Variants in PTPRD observed in about 807,000 individuals in gnomAD.
The protein encoded by PTPRD is receptor-type tyrosine-protein phosphatase delta.
A neutral mutation model predicts 214.5 loss-of-function variants in PTPRD; 34 were observed. That is an observed-to-expected ratio of 0.16 (90% CI 0.12 to 0.21). PTPRD has a LOEUF of 0.21. PTPRD is among the 10% of genes least tolerant of loss of function. The probability of loss-of-function intolerance (pLI) is 1.00; values close to 1 mark genes in which losing one functional copy is unlikely to be tolerated. For missense variants in PTPRD, 2,545 were observed against 2,398.7 expected (o/e 1.06, Z -1.27); for synonymous variants, 1,128 against 845.7 (o/e 1.33, Z -5.79).
Position 8,798,957 on chromosome 9 carries a change from C to T in PTPRD, c.-103-65011G>A, listed in dbSNP as rs113063619. On this transcript the variant is annotated intron_variant, in intron 11 of 45. Transcript: ENST00000381196. ...CACATGTAAAGCCTGAATGCATAAGCCCAGCCTGCTTTCCTTACAGGGTTA... is the reference window on the plus strand; with the variant it reads ...CACATGTAAAGCCTGAATGCATAAGTCCAGCCTGCTTTCCTTACAGGGTTA... Among the ~76,000 whole-genome samples the T allele has an allele frequency of 4.1e-3, 620 of 152,176 alleles. 1 individual carries two copies. The highest frequency in any genetic ancestry group is 0.014 in the African/African-American group (566 of 41,498).
chr9:9,340,390 T>C (rs948823770), intron 9 of PTPRD, among the ~76,000 whole-genome samples: 36 of 152,346 alleles, frequency 2.4e-4, no homozygotes, highest in African/African-American at 7.5e-4. Context: ...TTTGTGACTA[T>C]TTAAATCTCT....
At chr9:10,060,845 T>TTTC (rs1555531286) in intron 3 of PTPRD, among the ~76,000 whole-genome samples, 8 of 108,830 alleles carry the variant, frequency 7.4e-5, no homozygotes, top group African/African-American at 6.2e-4. Flanking sequence ...CCTTCCTTCC[T>TTTC]TTCCTTTCTT....
At chr9:8,575,221 C>T (rs560531009) in intron 14 of PTPRD, among the ~76,000 whole-genome samples, 1 of 152,122 alleles carries the variant, frequency 6.6e-6, no homozygotes, top group South Asian at 2.1e-4. Flanking sequence ...GAAATTAACT[C>T]AAATCACTTG....
intron 11 of PTPRD, among the ~76,000 whole-genome samples, chr9:9,002,199 G>A (rs997762940): frequency 8.6e-5 from 13 of 151,780 alleles, no homozygotes; most frequent in African/African-American, 3.1e-4. Flanking sequence ...AAATGGTAAG[G>A]TAAAGAGAGA....
chr9:8,715,493 G>A (rs1271870531), intron 12 of PTPRD, among the ~76,000 whole-genome samples: 1 of 152,170 alleles, frequency 6.6e-6, no homozygotes, highest in Non-Finnish European at 1.5e-5. Flanking sequence ...TATGCTCAGA[G>A]AGGTTAACAA....
At chr9:10,395,776 A>AATGAAG (rs1029112172) in intron 2 of PTPRD, among the ~76,000 whole-genome samples, 41 of 152,020 alleles carry the variant, frequency 2.7e-4, no homozygotes, top group Middle Eastern at 3.4e-3. Flanking sequence ...TAAATACCTG[A>AATGAAG]ATGAAGTGTA....
chr9:8,458,279 T>C lies in PTPRD; in HGVS notation c.3875+2132A>G, dbSNP rs116746880. Among the ~76,000 whole-genome samples the C allele has an allele frequency of 9.7e-3, 1,479 of 152,194 alleles. 23 individuals are homozygous for C. Among genetic ancestry groups the C allele is most frequent in the African/African-American group, 0.034 (1,395 of 41,516 alleles). On this transcript the variant is annotated intron_variant, in intron 33 of 45. Coordinates refer to ENST00000381196, the MANE Select transcript of PTPRD (RefSeq NM_002839.4). ...AGCACTTGCAGATGAAGGAAGAAAA[T>C]AGTTATCTTTTAAAAATTATTAGGG...
chr9:8,476,989 C>T (rs917472054), intron 30 of PTPRD, among the ~76,000 whole-genome samples: 5 of 152,046 alleles, frequency 3.3e-5, no homozygotes, highest in African/African-American at 1.2e-4. Context: ...TACTCGTGAC[C>T]CTTGTTCTAA....
chr9:8,529,486 A>C (rs751282552), intron 14 of PTPRD, among the ~76,000 whole-genome samples: 17 of 152,148 alleles, frequency 1.1e-4, no homozygotes, highest in Admixed American at 2.0e-4. Context: ...GGGATAAGAG[A>C]ATGCTTTCCT....
At chr9:10,052,255 G>A (rs1455051397) in intron 3 of PTPRD, among the ~76,000 whole-genome samples, 6 of 152,174 alleles carry the variant, frequency 3.9e-5, no homozygotes, top group Non-Finnish European at 2.9e-5. Context: ...AATCAATACT[G>A]CCTACTAACA....
chr9:8,752,071 C>G (rs1340474859), intron 11 of PTPRD, among the ~76,000 whole-genome samples: 1 of 152,104 alleles, frequency 6.6e-6, no homozygotes, highest in Non-Finnish European at 1.5e-5. Flanking sequence ...GGGTCCCCTG[C>G]CACCGCTGTC....
chr9:9,472,761 C>G (rs17831928), intron 8 of PTPRD, among the ~76,000 whole-genome samples: 2 of 152,086 alleles, frequency 1.3e-5, no homozygotes, highest in Non-Finnish European at 2.9e-5. Context: ...TTCCCTTAAT[C>G]GGCATAAAAT....
chr9:9,156,534 AAC>A (rs2099881341), intron 10 of PTPRD, among the ~76,000 whole-genome samples: 1 of 152,084 alleles, frequency 6.6e-6, no homozygotes. Context: ...ATTAACAGCC[AAC>A]ACATAATTGA....
chr9:8,795,895 G>C (rs572352710), intron 11 of PTPRD, among the ~76,000 whole-genome samples: 30 of 152,128 alleles, frequency 2.0e-4, no homozygotes, highest in Non-Finnish European at 4.0e-4. Flanking sequence ...ATAAAAGTAT[G>C]CACCAAGTCG....
intron 9 of PTPRD, among the ~76,000 whole-genome samples, chr9:9,231,599 A>G (rs1447553963): frequency 2.0e-5 from 3 of 152,140 alleles, no homozygotes; most frequent in Non-Finnish European, 2.9e-5. Flanking sequence ...CACTATATAT[A>G]ATTAGGTATA....
intron 2 of PTPRD, among the ~76,000 whole-genome samples, chr9:10,574,624 G>A (rs957505205): frequency 1.3e-5 from 2 of 151,896 alleles, no homozygotes; most frequent in East Asian, 1.9e-4. Context: ...TTAAGATTTT[G>A]AATAGCTTAC....
intron 4 of PTPRD, among the ~76,000 whole-genome samples, chr9:9,947,941 T>C (rs1167451033): frequency 6.6e-6 from 1 of 151,784 alleles, no homozygotes; most frequent in Non-Finnish European, 1.5e-5. Context: ...GGAACTTCAT[T>C]TGTCTAGAAG....
At position 9,575,316 on chromosome 9, in the gene PTPRD, C is replaced by T. The variant is rs549154477; in HGVS notation, c.-286-535G>A. On this transcript the variant is annotated intron_variant, in intron 7 of 45. Coordinates refer to ENST00000381196, the MANE Select transcript of PTPRD (RefSeq NM_002839.4). ...GTACAGTACTCCATCGTTCACTGTACATCCTAAATTATTTAAGATATTTGA... is the reference window on the plus strand; with the variant it reads ...GTACAGTACTCCATCGTTCACTGTATATCCTAAATTATTTAAGATATTTGA... 2.0e-4 allele frequency among the ~76,000 whole-genome samples: 31 copies of T among 152,174 alleles called. No homozygotes were observed. In the South Asian group the frequency reaches 6.4e-3, roughly 32 times the overall value.
chr9:10,220,172 A>G (rs2099562607), intron 3 of PTPRD, among the ~76,000 whole-genome samples: 1 of 151,886 alleles, frequency 6.6e-6, no homozygotes, highest in African/African-American at 2.4e-5. Context: ...ATTTTCATTT[A>G]TAAATGTAGT....
Sources: allele counts gnomAD v4.1 joint callset (sites outside exome capture counted in the v4.1 genomes callset), GRCh38; gene constraint gnomAD v4.1.1; transcripts MANE v1.5; gene names NCBI Gene and HGNC (gene_info 2026-07-23, HGNC 2026-07-21).